Variants in NBAS observed in about 807,000 individuals in gnomAD.
The protein encoded by NBAS is NAG/BC035112 fusion.
NBAS carries 219 observed loss-of-function variants against 302.5 expected under a neutral mutation model. The observed-to-expected ratio is 0.72, with a 90% CI of 0.65 to 0.81. The LOEUF is 0.81. Ranked by LOEUF, NBAS falls within the 30% of genes least tolerant of loss-of-function variation. The pLI is 0.00. For synonymous variants in NBAS, 1,118 were observed against 1,021.6 expected, an observed-to-expected ratio of 1.09 and a Z score of -1.80; for missense variants, 2,932 against 2,841.6, an observed-to-expected ratio of 1.03 and a Z score of -0.72.
intron 43 of NBAS, among the ~76,000 whole-genome samples, chr2:15,276,064 G>A (rs185538506): frequency 1.3e-5 from 2 of 152,250 alleles, no homozygotes; most frequent in East Asian, 3.9e-4. Flanking sequence ...CCATCTCCTT[G>A]TTTGTACCCT....
chr2:15,136,088 G>C, the NBAS span, among the ~76,000 whole-genome samples: 781 of 152,262 alleles, frequency 5.1e-3, 15 homozygotes, highest in Admixed American at 0.033. Context: ...CTGGGCTCCA[G>C]AACACAAACC....
chr2:14,918,342 T>C, the NBAS span, among the ~76,000 whole-genome samples: 26 of 148,422 alleles, frequency 1.8e-4, no homozygotes, highest in South Asian at 3.6e-3. Context: ...AATGTAATGG[T>C]GTTTTCATCT....
chr2:15,430,114 C>A (rs1677687381), intron 21 of NBAS, among the ~76,000 whole-genome samples: 1 of 152,014 alleles, frequency 6.6e-6, no homozygotes. Context: ...AAATGTATCA[C>A]AAGTTGAGAT....
chr2:15,078,067 A>AG, the NBAS span, among the ~76,000 whole-genome samples: 1 of 152,136 alleles, frequency 6.6e-6, no homozygotes, highest in Non-Finnish European at 1.5e-5. Context: ...AGAGGAGAAA[A>AG]GGCATTTTGG....
At chr2:15,462,149 CT>C (rs1257026984) in intron 19 of NBAS, among the ~76,000 whole-genome samples, 2 of 152,364 alleles carry the variant, frequency 1.3e-5, no homozygotes, top group African/African-American at 4.8e-5. Flanking sequence ...AGTTTCACCA[CT>C]GCTAGGGTGA....
chr2:15,087,786 G>C, the NBAS span, among the ~76,000 whole-genome samples: 1 of 152,220 alleles, frequency 6.6e-6, no homozygotes, highest in Non-Finnish European at 1.5e-5. Flanking sequence ...GATAACATTT[G>C]TTCCTTTTAG....
the NBAS span, among the ~76,000 whole-genome samples, chr2:15,104,869 C>G: frequency 6.6e-6 from 1 of 152,008 alleles, no homozygotes; most frequent in African/African-American, 2.4e-5. Flanking sequence ...AGTGTCTGTT[C>G]ATATCTTTCA....
the NBAS span, among the ~76,000 whole-genome samples, chr2:15,034,218 G>GAA: frequency 1.2e-4 from 3 of 25,560 alleles, no homozygotes; most frequent in African/African-American, 1.7e-4. Context: ...AGGAAAGAAA[G>GAA]AGAGGGAAAG....
At chr2:15,143,420 T>C in the NBAS span, among the ~76,000 whole-genome samples, 1 of 152,216 alleles carries the variant, frequency 6.6e-6, no homozygotes, top group African/African-American at 2.4e-5. Context: ...GTTTTGATCC[T>C]GAGGCCCTTG....
the NBAS span, among the ~76,000 whole-genome samples, chr2:15,057,611 T>C: frequency 6.6e-6 from 1 of 152,154 alleles, no homozygotes; most frequent in African/African-American, 2.4e-5. Context: ...CCAAAGTCCA[T>C]TGATCATTCT....
chr2:15,364,649 G>A (rs1386463542), intron 32 of NBAS, among the ~76,000 whole-genome samples: 1 of 152,118 alleles, frequency 6.6e-6, no homozygotes, highest in Non-Finnish European at 1.5e-5. Flanking sequence ...AATGGAAAAA[G>A]TACAAGGAGA....
At chr2:14,971,447 G>A in the NBAS span, among the ~76,000 whole-genome samples, 88 of 152,230 alleles carry the variant, frequency 5.8e-4, no homozygotes, top group Non-Finnish European at 9.4e-4. Context: ...CTCAGGAGAC[G>A]GAGGTTGCAG....
chr2:14,883,329 A>T, the NBAS span, among the ~76,000 whole-genome samples: 3 of 152,186 alleles, frequency 2.0e-5, no homozygotes, highest in African/African-American at 7.2e-5. Context: ...TTTAGTACTA[A>T]TGTTGTAGTT....
chr2:15,034,223 G>GGAAAGAAGAAAGAAA, the NBAS span, among the ~76,000 whole-genome samples: 1 of 20,180 alleles, frequency 5.0e-5, no homozygotes, highest in Admixed American at 7.4e-4. Flanking sequence ...AGAAAGAGAG[G>GGAAAGAAGAAAGAAA]GAAAGAAAGA....
chr2:15,013,931 A>G, the NBAS span, among the ~76,000 whole-genome samples: 7 of 152,156 alleles, frequency 4.6e-5, no homozygotes, highest in South Asian at 2.1e-4. Flanking sequence ...GTGAACACAC[A>G]TCAACTGAAA....
the NBAS span, among the ~76,000 whole-genome samples, chr2:14,952,751 C>T: frequency 3.3e-5 from 5 of 152,320 alleles, no homozygotes; most frequent in African/African-American, 4.8e-5. Flanking sequence ...CCCAGCAGAG[C>T]GCCTGACAGG....
At chr2:14,795,474 C>CATATATATATAT in the NBAS span, among the ~76,000 whole-genome samples, 2 of 147,750 alleles carry the variant, frequency 1.4e-5, no homozygotes, top group African/African-American at 5.3e-5. Context: ...CAAGATTTTA[C>CATATATATATAT]ATATATATAT....
chr2:15,406,103 T>TAAAAAAAAAAAA (rs71400653), intron 25 of NBAS, among the ~76,000 whole-genome samples: 1 of 115,060 alleles, frequency 8.7e-6, no homozygotes, highest in Non-Finnish European at 1.8e-5. Context: ...CAATAACATG[T>TAAAAAAAAAAAA]AAAAAAAAAA....
At chr2:15,104,968 G>T in the NBAS span, among the ~76,000 whole-genome samples, 1 of 151,762 alleles carries the variant, frequency 6.6e-6, no homozygotes, top group African/African-American at 2.4e-5. Context: ...TATATTTATT[G>T]CAGCACTATC....
Sources: allele counts gnomAD v4.1 joint callset (sites outside exome capture counted in the v4.1 genomes callset), GRCh38; gene constraint gnomAD v4.1.1; transcripts MANE v1.5; gene names NCBI Gene and HGNC (gene_info 2026-07-23, HGNC 2026-07-21).